PLD5: variants seen among roughly 807,000 people sequenced by gnomAD.
PLD5 encodes phospholipase D family member 5, also known as inactive phospholipase D5.
Under a neutral mutation model 61.1 loss-of-function variants are expected in PLD5, and 36 were observed. The ratio of observed to expected loss-of-function variants is 0.59; its 90% CI spans 0.45 to 0.78. The LOEUF (loss-of-function observed/expected upper bound fraction) is 0.78. Among genes scored for constraint, PLD5 ranks in the 30% least tolerant of loss-of-function variants. The pLI, the probability that PLD5 is intolerant of heterozygous loss-of-function variation, is 0.00. For synonymous variants in PLD5, 243 were observed against 242.8 expected (o/e 1.00, Z -0.01); for missense variants, 515 against 644.4 (o/e 0.80, Z 2.17).
chr1:242,528,646 TG>T (rs1669492790), upstream of PLD5, among the ~76,000 whole-genome samples: 1 of 152,204 alleles, frequency 6.6e-6, no homozygotes. Context: ...ATTTACTCCT[TG>T]GAAAAATATC....
intron 1 of PLD5, among the ~76,000 whole-genome samples, chr1:242,401,970 G>A: frequency 6.6e-6 from 1 of 152,162 alleles, no homozygotes; most frequent in Non-Finnish European, 1.5e-5. Flanking sequence ...CATGTTCTAA[G>A]GTCAAAGGAA....
chr1:242,491,797 C>T (rs897777147), intron 1 of PLD5, among the ~76,000 whole-genome samples: 1 of 152,190 alleles, frequency 6.6e-6, no homozygotes, highest in Non-Finnish European at 1.5e-5. Flanking sequence ...TCTAATACTT[C>T]CCTTGATATT....
intron 5 of PLD5, among the ~76,000 whole-genome samples, chr1:242,143,350 G>C (rs1664316503): frequency 6.6e-6 from 1 of 152,112 alleles, no homozygotes; most frequent in African/African-American, 2.4e-5. Flanking sequence ...ACTGCACCCT[G>C]CTAGAGCTGT....
At chr1:242,117,912 G>A (rs985803691) in intron 6 of PLD5, among the ~76,000 whole-genome samples, 1 of 152,104 alleles carries the variant, frequency 6.6e-6, no homozygotes, top group Non-Finnish European at 1.5e-5. Flanking sequence ...GGTTAATGTG[G>A]AGAAGCTGAA....
upstream of PLD5, among the ~76,000 whole-genome samples, chr1:242,525,849 T>A (rs1051407614): frequency 1.3e-5 from 2 of 152,168 alleles, no homozygotes; most frequent in African/African-American, 4.8e-5. Flanking sequence ...AATGGTATAG[T>A]AAAAATAGTA....
At chr1:242,499,987 C>T (rs192845026) in intron 1 of PLD5, among the ~76,000 whole-genome samples, 1 of 152,148 alleles carries the variant, frequency 6.6e-6, no homozygotes, top group Non-Finnish European at 1.5e-5. Context: ...TTACCTGGGG[C>T]CTCTCAATAT....
intron 1 of PLD5, among the ~76,000 whole-genome samples, chr1:242,387,606 CATAT>C (rs902839444): frequency 6.7e-5 from 10 of 150,198 alleles, no homozygotes; most frequent in Admixed American, 1.3e-4. Context: ...TTAAAGAATA[CATAT>C]ATATTTTGTA....
chr1:242,247,049 T>C (rs1315579453), intron 4 of PLD5, among the ~76,000 whole-genome samples: 2 of 150,094 alleles, frequency 1.3e-5, no homozygotes, highest in Non-Finnish European at 2.9e-5. Flanking sequence ...AGTGGCGCGA[T>C]CTCGACTCAC....
At chr1:242,214,320 T>C (rs1031150597) in intron 5 of PLD5, among the ~76,000 whole-genome samples, 12 of 152,188 alleles carry the variant, frequency 7.9e-5, no homozygotes. Flanking sequence ...TTTTTCCACT[T>C]AGCCCATCAA....
intron 1 of PLD5, among the ~76,000 whole-genome samples, chr1:242,446,531 A>G (rs1447386395): frequency 6.6e-6 from 1 of 152,228 alleles, no homozygotes; most frequent in Non-Finnish European, 1.5e-5. Flanking sequence ...AGATCGCGCC[A>G]CTGCACTTCA....
intron 4 of PLD5, among the ~76,000 whole-genome samples, chr1:242,246,512 CACACAA>C (rs1672371965): frequency 6.6e-6 from 1 of 150,504 alleles, no homozygotes; most frequent in Admixed American, 6.7e-5. Context: ...CACACACACA[CACACAA>C]AAGCAAAATC....
intron 2 of PLD5, among the ~76,000 whole-genome samples, chr1:242,346,135 G>A (rs1253458773): frequency 1.4e-5 from 2 of 145,076 alleles, no homozygotes; most frequent in African/African-American, 2.6e-5. Context: ...CTAGTAGCTA[G>A]AATAATATTT....
chr1:242,261,659 CAAT>C (rs1455627451), intron 4 of PLD5, among the ~76,000 whole-genome samples: 2 of 152,068 alleles, frequency 1.3e-5, no homozygotes, highest in African/African-American at 2.4e-5. Context: ...ATTAAAACAA[CAAT>C]AACACTGGGC....
chr1:242,171,692 G>A (rs1453956721), intron 5 of PLD5, among the ~76,000 whole-genome samples: 1 of 147,774 alleles, frequency 6.8e-6, no homozygotes, highest in African/African-American at 2.5e-5. Flanking sequence ...AAGAGAGGGA[G>A]GAATATTTAC....
At chr1:242,421,904 T>C (rs931804578) in intron 1 of PLD5, among the ~76,000 whole-genome samples, 1 of 152,246 alleles carries the variant, frequency 6.6e-6, no homozygotes, top group Admixed American at 6.5e-5. Flanking sequence ...TTTAACAGTA[T>C]GTGTCCAGAG....
intron 1 of PLD5, among the ~76,000 whole-genome samples, chr1:242,513,466 G>A (rs1444585957): frequency 6.6e-6 from 1 of 152,186 alleles, no homozygotes; most frequent in Non-Finnish European, 1.5e-5. Flanking sequence ...ATTGTTAAGG[G>A]TTATAATATG....
intron 1 of PLD5, among the ~76,000 whole-genome samples, chr1:242,506,287 C>A (rs56385401): frequency 0.016 from 2,426 of 152,216 alleles, 66 homozygotes; most frequent in African/African-American, 0.056. Flanking sequence ...TACATATTAT[C>A]TGTTCTCTAG....
intron 1 of PLD5, among the ~76,000 whole-genome samples, chr1:242,470,350 A>G (rs1667409272): frequency 7.5e-6 from 1 of 132,474 alleles, no homozygotes; most frequent in Non-Finnish European, 1.6e-5. Context: ...TCAAAGAAAA[A>G]AAAAAAAGAA....
chr1:242,266,896 C>T (rs1673711575), intron 3 of PLD5, among the ~76,000 whole-genome samples: 1 of 151,954 alleles, frequency 6.6e-6, no homozygotes, highest in Admixed American at 6.6e-5. Context: ...GCGGGCACAA[C>T]ACCTGAGGTC....
Sources: gnomAD v4.1 joint callset for allele counts (sites outside exome capture counted in the v4.1 genomes callset) on GRCh38, gnomAD v4.1.1 for gene constraint, MANE v1.5 for transcripts, NCBI Gene and HGNC (gene_info 2026-07-23, HGNC 2026-07-21) for gene names.